The following PM20D2 variants were observed in gnomAD, a reference collection of about 807,000 sequenced individuals.
PM20D2 encodes the protein xaa-Arg dipeptidase.
PM20D2 carries 33 observed loss-of-function variants against 42.9 expected under a neutral mutation model. The observed-to-expected ratio is 0.77, with a 90% confidence interval of 0.58 to 1.03. The LOEUF (loss-of-function observed/expected upper bound fraction) is 1.03. Among genes scored for constraint, PM20D2 ranks in the 50% least tolerant of loss-of-function variants. PM20D2 has a pLI of 0.00. For missense variants in PM20D2, 548 were observed against 557.0 expected, an observed-to-expected ratio of 0.98 and a Z score of 0.16; for synonymous variants, 250 against 228.2, an observed-to-expected ratio of 1.10 and a Z score of -0.86.
At chr6:89,128,906 C>T in the PM20D2 span, among the ~76,000 whole-genome samples, 1 of 152,136 alleles carries the variant, frequency 6.6e-6, no homozygotes, top group Admixed American at 6.5e-5. Flanking sequence ...CTGGTGACAA[C>T]TCTAGTTCTA....
the PM20D2 span, among the ~76,000 whole-genome samples, chr6:89,121,221 TATAAA>T: frequency 3.3e-5 from 5 of 152,350 alleles, no homozygotes; most frequent in South Asian, 2.1e-4. Context: ...CTGGAATTGA[TATAAA>T]ATAAGTTGTG....
At chr6:89,111,547 G>T in the PM20D2 span, among the ~76,000 whole-genome samples, 11 of 150,810 alleles carry the variant, frequency 7.3e-5, no homozygotes, top group Non-Finnish European at 1.0e-4. Context: ...CAGTTTTTTT[G>T]TTCATTCCCT....
rs1011107802 is a variant in PM20D2, at chr6:89,164,803, ATTGT to A, written c.*2545_*2548del. 8 of 152,146 alleles carry A rather than the reference ATTGT, an allele frequency of 5.3e-5. No homozygotes were observed. Among genetic ancestry groups the A allele is most frequent in the African/African-American group, 1.9e-4 (8 of 41,360 alleles). The allele number at this position is 152,146 out of a possible 1,614,324, so 9.4% of individuals were successfully genotyped here. A position where few individuals can be genotyped will look rare whatever the true frequency, so the allele number is the denominator to read the frequency against. On this transcript the variant is annotated 3_prime_UTR_variant, in exon 7 of 7. Transcript: ENST00000275072. ...GTGTATTTTCTTCTCTTTTACATAA[ATTGT>A]TTGTGAAAAGTGTGCTCAACTTTTT...
At chr6:89,135,180 T>A in the PM20D2 span, among the ~76,000 whole-genome samples, 1 of 151,278 alleles carries the variant, frequency 6.6e-6, no homozygotes, top group Non-Finnish European at 1.5e-5. Context: ...GATCACAAAA[T>A]TCAGAAAAAT....
At chr6:89,107,244 C>T in the PM20D2 span, 41 of 1,613,692 alleles carry the variant, frequency 2.5e-5, no homozygotes, top group African/African-American at 6.7e-5. Flanking sequence ...AAACTCACGG[C>T]GCAAGTCCTC....
At chr6:89,131,442 C>A in the PM20D2 span, among the ~76,000 whole-genome samples, 2 of 98,028 alleles carry the variant, frequency 2.0e-5, no homozygotes, top group African/African-American at 6.0e-5. Context: ...AATCTCAGCA[C>A]TTTGGGAGAC....
At chr6:89,142,161 T>A (rs1270562996), upstream of PM20D2, among the ~76,000 whole-genome samples, 1 of 152,140 alleles carries the variant, frequency 6.6e-6, no homozygotes, top group Non-Finnish European at 1.5e-5. Context: ...ACACTTCCTC[T>A]ATGTCCCTTC....
chr6:89,123,835 A>G, the PM20D2 span, among the ~76,000 whole-genome samples: 1 of 151,844 alleles, frequency 6.6e-6, no homozygotes, highest in Non-Finnish European at 1.5e-5. Context: ...CAGGAGTTCA[A>G]GACTAGTCTG....
rs1405339461 is a variant in PM20D2 at position 89,164,319 on chromosome 6, A to C, written c.*2056A>C. 1 of 152,690 alleles carries C rather than the reference A, an allele frequency of 6.5e-6. No individual in the cohort carries two copies. The highest frequency in any genetic ancestry group is 1.9e-4 in the East Asian group (1 of 5,192). The allele number at this position is 152,690 out of a possible 1,614,324, so 9.5% of individuals were successfully genotyped here. A position where few individuals can be genotyped will look rare whatever the true frequency, so the allele number is the denominator to read the frequency against. On this transcript the variant is annotated 3_prime_UTR_variant, in exon 7 of 7. Coordinates refer to ENST00000275072, the MANE Select transcript of PM20D2 (RefSeq NM_001010853.3). ...ATTTCAGCAGTTGAATTCAGTGAAC[A>C]CTGGTTGAGGAGTGCCTATTTCTAA...
chr6:89,155,823 T>C (rs549485236), intron 4 of PM20D2, among the ~76,000 whole-genome samples: 4 of 151,970 alleles, frequency 2.6e-5, no homozygotes, highest in African/African-American at 9.6e-5. Flanking sequence ...GCGATTCTTA[T>C]GCCTCAGCCT....
chr6:89,146,035 G>A, upstream of PM20D2: 2 of 995,430 alleles, frequency 2.0e-6, no homozygotes, highest in East Asian at 3.3e-5. Context: ...GTGTGGCCGC[G>A]TGCGCGCTCC....
At chr6:89,148,147 T>A (rs890180349) in intron 1 of PM20D2, among the ~76,000 whole-genome samples, 2 of 151,680 alleles carry the variant, frequency 1.3e-5, no homozygotes, top group African/African-American at 4.8e-5. Context: ...CCAGCTAATT[T>A]TTGCATTTTT....
At position 89,146,799 on chromosome 6, in the gene PM20D2, G is replaced by C. The variant is rs371660606; in HGVS notation, c.465+190G>C. On this transcript the variant is annotated intron_variant, in intron 1 of 6. Transcript: ENST00000275072. ...AGAGCTGAACCCCCAGTCAAAGTCA[G>C]TTCGCGTTGCCGACCTGGCGACATC... 2.0e-4 allele frequency among the ~76,000 whole-genome samples: 31 copies of C among 152,348 alleles called. No homozygotes were observed. In the East Asian group the frequency reaches 5.8e-3, roughly 28 times the overall value.
intron 4 of PM20D2, among the ~76,000 whole-genome samples, chr6:89,157,767 G>A (rs1771099827): frequency 6.6e-6 from 1 of 152,226 alleles, no homozygotes; most frequent in African/African-American, 2.4e-5. Context: ...CACTTTGGGA[G>A]GCCGAGACGG....
the PM20D2 span, among the ~76,000 whole-genome samples, chr6:89,116,631 C>T: frequency 6.6e-6 from 1 of 151,918 alleles, no homozygotes; most frequent in Non-Finnish European, 1.5e-5. Context: ...AAAAATTAGC[C>T]GGGTGTGGTG....
the PM20D2 span, among the ~76,000 whole-genome samples, chr6:89,118,354 A>C: frequency 6.6e-6 from 1 of 152,152 alleles, no homozygotes. Context: ...AGCCGCTTTC[A>C]ACCGCGCCCC....
chr6:89,124,514 G>T, the PM20D2 span, among the ~76,000 whole-genome samples: 3 of 152,060 alleles, frequency 2.0e-5, no homozygotes, highest in Non-Finnish European at 2.9e-5. Flanking sequence ...TAGTTCTCTG[G>T]CGGGGAGTAC....
At chr6:89,135,044 G>A in the PM20D2 span, among the ~76,000 whole-genome samples, 1 of 151,014 alleles carries the variant, frequency 6.6e-6, no homozygotes, top group Non-Finnish European at 1.5e-5. Context: ...CCTTGGTAGT[G>A]AACACCTGCA....
the PM20D2 span, chr6:89,098,411 G>A: frequency 1.2e-5 from 10 of 843,890 alleles, no homozygotes; most frequent in Admixed American, 3.7e-4. Flanking sequence ...CCTTTAAATG[G>A]AGACCAAATT....
Sources: gnomAD v4.1 joint callset for allele counts (sites outside exome capture counted in the v4.1 genomes callset) on GRCh38, gnomAD v4.1.1 for gene constraint, MANE v1.5 for transcripts, NCBI Gene and HGNC (gene_info 2026-07-23, HGNC 2026-07-21) for gene names.